MYT1L: variants seen among roughly 807,000 people sequenced by gnomAD.
MYT1L encodes myelin transcription factor 1 like.
In MYT1L, 12 loss-of-function variants were observed where a neutral mutation model predicts 126.7. The ratio of observed to expected loss-of-function variants is 0.09; its 90% confidence interval spans 0.06 to 0.15. The LOEUF is 0.15. Ranked by LOEUF, MYT1L falls within the 10% of genes least tolerant of loss-of-function variation. MYT1L has a pLI of 1.00. For synonymous variants in MYT1L, 541 were observed against 604.2 expected, an observed-to-expected ratio of 0.90 and a Z score of 1.53; for missense variants, 979 against 1,585.2, an observed-to-expected ratio of 0.62 and a Z score of 6.49.
intron 4 of MYT1L, among the ~76,000 whole-genome samples, chr2:2,043,980 T>C (rs1244183248): frequency 6.6e-6 from 1 of 152,156 alleles, no homozygotes; most frequent in Non-Finnish European, 1.5e-5. Context: ...AGACATTTGT[T>C]TTTTGAAAAA....
intron 23 of MYT1L, among the ~76,000 whole-genome samples, chr2:1,796,676 G>C (rs1052023320): frequency 1.7e-4 from 26 of 151,600 alleles, no homozygotes; most frequent in African/African-American, 6.3e-4. Flanking sequence ...ACGGGGGGCA[G>C]CATCCCAGCC....
At chr2:2,042,849 G>A (rs1182980485) in intron 4 of MYT1L, among the ~76,000 whole-genome samples, 1 of 152,136 alleles carries the variant, frequency 6.6e-6, no homozygotes, top group African/African-American at 2.4e-5. Flanking sequence ...GACAGCAGGC[G>A]ATAGCCTCCC....
intron 1 of MYT1L, among the ~76,000 whole-genome samples, chr2:2,289,314 T>A (rs2095565532): frequency 1.3e-5 from 2 of 152,230 alleles, no homozygotes; most frequent in Admixed American, 1.3e-4. Flanking sequence ...CTATTTATAA[T>A]TTTTAGGCTT....
intron 11 of MYT1L, among the ~76,000 whole-genome samples, chr2:1,914,430 C>A (rs1423079579): frequency 3.9e-5 from 6 of 152,104 alleles, no homozygotes; most frequent in Non-Finnish European, 7.4e-5. Context: ...CATGGCCAAA[C>A]TTCCCATGTA....
At chr2:1,976,115 A>C (rs1216030577) in intron 8 of MYT1L, among the ~76,000 whole-genome samples, 1 of 128,690 alleles carries the variant, frequency 7.8e-6, no homozygotes, top group East Asian at 2.2e-4. Context: ...TATTGTTAAA[A>C]GACCAAAAAA....
intron 3 of MYT1L, among the ~76,000 whole-genome samples, chr2:2,082,142 C>G (rs1439664273): frequency 6.6e-6 from 1 of 152,150 alleles, no homozygotes; most frequent in Non-Finnish European, 1.5e-5. Flanking sequence ...CCACTATCTA[C>G]ACCACACTAC....
chr2:2,310,508 TC>T (rs1315094727), intron 1 of MYT1L, among the ~76,000 whole-genome samples: 2 of 152,232 alleles, frequency 1.3e-5, no homozygotes, highest in African/African-American at 4.8e-5. Context: ...TGTTGTCTAA[TC>T]AAAAACTTCC....
At chr2:2,302,377 G>T (rs74375715) in intron 1 of MYT1L, among the ~76,000 whole-genome samples, 1 of 152,202 alleles carries the variant, frequency 6.6e-6, no homozygotes, top group East Asian at 1.9e-4. Flanking sequence ...GTGATCGTAT[G>T]ATTTTGGTTT....
At position 1,910,611 on chromosome 2, in the gene MYT1L, G is replaced by C. The variant is rs1301722263; in HGVS notation, c.1710-264C>G. ...GTGTATTCAATCCTTCCCAATGAGA[G>C]CATCCCAGCTCCCATGCATTCGGGA... is the stretch of plus-strand genomic sequence containing the variant. On this transcript the variant is annotated intron_variant, in intron 12 of 24. Transcript: ENST00000647738. This position sits in a 1 kb window ranked among gnomAD's most constrained non-coding sequence, Gnocchi z 4.8. 6.6e-6 allele frequency among the ~76,000 whole-genome samples: 1 copy of C among 152,158 alleles called. No individual in the cohort carries two copies. Among genetic ancestry groups the C allele is most frequent in the Non-Finnish European group, 1.5e-5 (1 of 68,040 alleles).
intron 3 of MYT1L, among the ~76,000 whole-genome samples, chr2:2,129,864 C>A (rs1215769731): frequency 6.6e-6 from 1 of 151,076 alleles, no homozygotes; most frequent in Non-Finnish European, 1.5e-5. Context: ...CGAGATTGGG[C>A]CACTGTACTC....
chr2:1,845,302 G>A (rs141963047), intron 19 of MYT1L, among the ~76,000 whole-genome samples: 97 of 152,132 alleles, frequency 6.4e-4, no homozygotes, highest in African/African-American at 2.3e-3. Flanking sequence ...TAAAAGTGTC[G>A]TTTTCTTTTC....
At chr2:2,164,437 A>G (rs1373289186) in intron 3 of MYT1L, among the ~76,000 whole-genome samples, 2 of 152,192 alleles carry the variant, frequency 1.3e-5, no homozygotes, top group Non-Finnish European at 2.9e-5. Flanking sequence ...ACGACTATGA[A>G]CAAAACACGT....
chr2:2,125,089 T>C (rs1437056299), intron 3 of MYT1L, among the ~76,000 whole-genome samples: 2 of 152,184 alleles, frequency 1.3e-5, no homozygotes, highest in Non-Finnish European at 2.9e-5. Flanking sequence ...AAATATCACA[T>C]AAAAATCTCA....
Position 1,826,375 on chromosome 2 carries a change from C to T in MYT1L, c.3080+12774G>A, listed in dbSNP as rs553302233. The stretch of plus-strand genomic sequence containing the variant: ...CCAGGTCCTGGGGAGGGCTGGGGGG[C>T]GGGCGAATGTGGGAGTGCTTCAGGA... On this transcript the variant is annotated intron_variant, in intron 21 of 24. Transcript: ENST00000647738. Among the ~76,000 whole-genome samples, 34 of 152,052 alleles carry T rather than the reference C, an allele frequency of 2.2e-4. 2 individuals carry two copies. The highest frequency in any genetic ancestry group is 9.8e-4 in the Admixed American group (15 of 15,268).
chr2:1,842,814 G>A (rs1371164033), intron 19 of MYT1L: 1 of 156,662 alleles, frequency 6.4e-6, no homozygotes, highest in Non-Finnish European at 1.4e-5. Flanking sequence ...GCTGAGTTTT[G>A]CTTCCCTCAG....
At chr2:2,330,268 G>T (rs940033642) in intron 1 of MYT1L, among the ~76,000 whole-genome samples, 1 of 152,018 alleles carries the variant, frequency 6.6e-6, no homozygotes, top group Non-Finnish European at 1.5e-5. Flanking sequence ...GATGGTACAA[G>T]AAATTGTCAT....
rs369391814 is a variant in MYT1L at position 1,996,184 on chromosome 2, T to C, written c.-1+1007A>G. On this transcript the variant is annotated intron_variant, in intron 5 of 24. Transcript: ENST00000647738. ...AGGAAACCGGGCTAGGAGATGTGAG[T>C]GCTGCTGTTTATTTAGTTCTTTTCT... Among the ~76,000 whole-genome samples, 3 of 152,106 alleles carry C rather than the reference T, an allele frequency of 2.0e-5. No homozygotes were observed. The South Asian group carries it at 6.2e-4, about 32-fold the overall frequency.
At chr2:2,168,294 G>C (rs754921191) in intron 3 of MYT1L, among the ~76,000 whole-genome samples, 1 of 152,190 alleles carries the variant, frequency 6.6e-6, no homozygotes, top group Non-Finnish European at 1.5e-5. Context: ...TCATTTAAAA[G>C]AGTACTACGT....
At chr2:2,313,591 C>T (rs1268808344) in intron 1 of MYT1L, among the ~76,000 whole-genome samples, 1 of 151,686 alleles carries the variant, frequency 6.6e-6, no homozygotes, top group Non-Finnish European at 1.5e-5. Context: ...TAGGGAAAGA[C>T]CCTACTTGAT....
Sources: allele counts gnomAD v4.1 joint callset (sites outside exome capture counted in the v4.1 genomes callset), GRCh38; gene constraint gnomAD v4.1.1; non-coding constraint Gnocchi (gnomAD v3.1); transcripts MANE v1.5; gene names NCBI Gene and HGNC (gene_info 2026-07-23, HGNC 2026-07-21).